Variants in HLA-DQA1 observed in about 807,000 individuals in gnomAD.
The protein encoded by HLA-DQA1 is HLA class II histocompatibility antigen, DQ alpha 1 chain.
HLA-DQA1 carries 10 observed loss-of-function variants against 20.7 expected under a neutral mutation model. The ratio of observed to expected loss-of-function variants is 0.48; its 90% CI spans 0.30 to 0.82. The LOEUF (loss-of-function observed/expected upper bound fraction) is 0.82, where lower values mean the gene tolerates loss of function less well. HLA-DQA1 is among the 40% of genes least tolerant of loss of function. The pLI, the probability that HLA-DQA1 is intolerant of heterozygous loss-of-function variation, is 0.07. For missense variants in HLA-DQA1, 127 were observed against 293.0 expected (o/e 0.43, Z 4.14); for synonymous variants, 39 against 109.2 (o/e 0.36, Z 4.01).
chr6:32,652,244 G>A, the HLA-DQA1 span, among the ~76,000 whole-genome samples: 4 of 82,586 alleles, frequency 4.8e-5, 2 homozygotes, highest in Non-Finnish European at 1.0e-4. Flanking sequence ...TCATGCCACT[G>A]CACTCCAGCC....
At chr6:32,650,850 A>G (rs1256107485), downstream of HLA-DQA1, among the ~76,000 whole-genome samples, 1,151 of 19,930 alleles carry the variant, frequency 0.058, 387 homozygotes, top group South Asian at 0.52. Context: ...AAAGTATAAT[A>G]ATAATAATAA....
At position 32,642,741 on chromosome 6, in the gene HLA-DQA1, TC is replaced by T; in HGVS notation, c.747del (p.Arg250AspfsTer27). ...IIQGLRSVGA[S>X]RHQGPL is the part of the protein sequence containing the mutation. ...CCAAGGCCTGCGTTCAGTTGGTGCTTCCAGACACCAAGGGCCATTGTGAATC... is the reference window on the plus strand; with the variant it reads ...CCAAGGCCTGCGTTCAGTTGGTGCTTCAGACACCAAGGGCCATTGTGAATC... On this transcript the variant is annotated frameshift_variant, in exon 4 of 5. Coordinates refer to ENST00000343139, the MANE Select transcript of HLA-DQA1 (RefSeq NM_002122.5). LOFTEE classifies it high-confidence loss of function. 8.6e-7 allele frequency: 1 copy of T among 1,168,672 alleles called. No individual in the cohort carries two copies. Among genetic ancestry groups the T allele is most frequent in the Non-Finnish European group, 1.2e-6 (1 of 828,144 alleles). 72.4% of individuals were successfully genotyped at this position (1,168,672 alleles called of 1,614,324 possible).
chr6:32,654,295 CAAA>C, the HLA-DQA1 span, among the ~76,000 whole-genome samples: 10,720 of 62,770 alleles, frequency 0.17, 1,680 homozygotes, highest in Middle Eastern at 0.32. Context: ...GGCCCTGTCT[CAAA>C]AAAAAAAAAG....
chr6:32,646,780 A>G (rs9273292), downstream of HLA-DQA1: 2 of 79,818 alleles, frequency 2.5e-5, no homozygotes, highest in Non-Finnish European at 5.4e-5. Context: ...TCCCACAGTG[A>G]ATGACATCAC....
chr6:32,639,764 G>C (rs1178551196), intron 1 of HLA-DQA1: 1 of 92,052 alleles, frequency 1.1e-5, no homozygotes, highest in African/African-American at 3.7e-5. Flanking sequence ...CCCAAGACAA[G>C]TACCAGAAGA....
At chr6:32,653,909 T>C in the HLA-DQA1 span, among the ~76,000 whole-genome samples, 7 of 98,828 alleles carry the variant, frequency 7.1e-5, 2 homozygotes, top group East Asian at 2.3e-3. Context: ...AAATACCACA[T>C]GACCTCACTT....
chr6:32,637,591 A>G, intron 1 of HLA-DQA1, 51 bp downstream of exon 1: 1 of 841,604 alleles, frequency 1.2e-6, no homozygotes, highest in Non-Finnish European at 1.8e-6. Context: ...CAGTAAATTG[A>G]AGGAAAAGAG....
chr6:32,646,874 G>GAGAGAGAAAGAAGAGAAGAGA (rs1554158134), downstream of HLA-DQA1: 1 of 45,234 alleles, frequency 2.2e-5, no homozygotes, highest in Non-Finnish European at 5.1e-5. Context: ...TCAAGAGAGA[G>GAGAGAGAAAGAAGAGAAGAGA]AGAGAAGAGA....
At chr6:32,644,690 G>A (rs1781761797), downstream of HLA-DQA1, 1 of 141,672 alleles carries the variant, frequency 7.1e-6, no homozygotes, top group African/African-American at 2.6e-5. Flanking sequence ...AGAGCTATGG[G>A]TGAATTTCTT....
the HLA-DQA1 span, among the ~76,000 whole-genome samples, chr6:32,652,611 A>C: frequency 9.3e-5 from 14 of 151,096 alleles, no homozygotes; most frequent in Admixed American, 9.3e-4. Flanking sequence ...AGCAAAGCCC[A>C]AGGATGCTTA....
At chr6:32,652,176 G>A in the HLA-DQA1 span, among the ~76,000 whole-genome samples, 1 of 90,102 alleles carries the variant, frequency 1.1e-5, no homozygotes, top group African/African-American at 3.9e-5. Flanking sequence ...CAGCTACTCG[G>A]GAGACTGAGG....
At chr6:32,655,240 T>C in the HLA-DQA1 span, among the ~76,000 whole-genome samples, 7,358 of 129,198 alleles carry the variant, frequency 0.057, 495 homozygotes, top group East Asian at 0.17. Flanking sequence ...AACTTTTTCT[T>C]GTTCAAATAA....
chr6:32,640,812 TAAAAAAA>T (rs34713112), intron 1 of HLA-DQA1, among the ~76,000 whole-genome samples: 21,429 of 86,460 alleles, frequency 0.25, 4,145 homozygotes, highest in East Asian at 0.37. Context: ...GCTTTTCCTT[TAAAAAAA>T]AAAAAAAGAA....
chr6:32,639,601 G>C (rs1383086991), intron 1 of HLA-DQA1: 1 of 97,684 alleles, frequency 1.0e-5, no homozygotes, highest in Non-Finnish European at 2.3e-5. Context: ...TCCCTGCAGA[G>C]GGTGCTCAGA....
At chr6:32,647,008 T>C (rs1374507906), downstream of HLA-DQA1, 1 of 100,788 alleles carries the variant, frequency 9.9e-6, no homozygotes, top group Non-Finnish European at 2.2e-5. Flanking sequence ...ATTGCTGTTA[T>C]GTTTTCTAAA....
the HLA-DQA1 span, among the ~76,000 whole-genome samples, chr6:32,652,553 AT>A: frequency 1.5e-5 from 2 of 129,714 alleles, no homozygotes; most frequent in Non-Finnish European, 3.4e-5. Context: ...CATGAGTGAT[AT>A]TTAGAAAATG....
At chr6:32,638,288 A>AATTTAT (rs9282004) in intron 1 of HLA-DQA1, among the ~76,000 whole-genome samples, 2,270 of 103,996 alleles carry the variant, frequency 0.022, 56 homozygotes, top group East Asian at 0.037. Flanking sequence ...TAAAATTGAG[A>AATTTAT]AGTAGAAAAA....
At chr6:32,647,130 C>T (rs1209825431), downstream of HLA-DQA1, 2 of 151,956 alleles carry the variant, frequency 1.3e-5, no homozygotes, top group African/African-American at 4.8e-5. Flanking sequence ...GGTGGGTTTA[C>T]AAAATTGCCC....
Position 32,641,289 on chromosome 6 carries a change from C to T in HLA-DQA1, c.83-21C>T, listed in dbSNP as rs139998691. 1.5e-3 allele frequency: 1,853 copies of T among 1,244,602 alleles called. 25 individuals carry two copies. The highest frequency in any genetic ancestry group is 1.9e-3 in the Non-Finnish European group (1,718 of 895,038). The allele number at this position is 1,244,602 out of a possible 1,614,324, so 77.1% of individuals were successfully genotyped here. ...TCTTCCCCTGTTCTCCGCCTTCCTGCTTGTCATCTTCACTCATCAGCTGAC... is the reference window on the plus strand; with the variant it reads ...TCTTCCCCTGTTCTCCGCCTTCCTGTTTGTCATCTTCACTCATCAGCTGAC... On this transcript the variant is annotated intron_variant, in intron 1 of 4. Transcript: ENST00000343139.
Sources: gnomAD v4.1 joint callset for allele counts (sites outside exome capture counted in the v4.1 genomes callset) on GRCh38, gnomAD v4.1.1 for gene constraint, MANE v1.5 for transcripts, NCBI Gene and HGNC (gene_info 2026-07-23, HGNC 2026-07-21) for gene names.